FGF12: variants seen among roughly 807,000 people sequenced by gnomAD.
FGF12 encodes the protein fibroblast growth factor 12.
FGF12 carries 14 observed loss-of-function variants against 23.6 expected under a neutral mutation model. The observed-to-expected ratio is 0.59, with a 90% CI of 0.39 to 0.93. FGF12 has a LOEUF of 0.93. Among genes scored for constraint, FGF12 ranks in the 40% least tolerant of loss-of-function variants. The pLI, the probability that FGF12 is intolerant of heterozygous loss-of-function variation, is 0.00. For synonymous variants in FGF12, 62 were observed against 77.3 expected, an observed-to-expected ratio of 0.80 and a Z score of 1.04; for missense variants, 175 against 217.8, an observed-to-expected ratio of 0.80 and a Z score of 1.24.
At chr3:192,250,267 A>C (rs543646173) in intron 4 of FGF12, among the ~76,000 whole-genome samples, 13 of 152,302 alleles carry the variant, frequency 8.5e-5, no homozygotes, top group Non-Finnish European at 1.6e-4. Flanking sequence ...TTAGCCAAAG[A>C]AAAACAGTTT....
rs142260654 is a variant in FGF12, at chr3:192,657,540, C to T, written c.13+69641G>A. 6.8e-3 allele frequency among the ~76,000 whole-genome samples: 1,031 copies of T among 152,086 alleles called. 11 individuals carry two copies. The highest frequency in any genetic ancestry group is 0.023 in the African/African-American group (963 of 41,492). On this transcript the variant is annotated intron_variant, in intron 2 of 5. Transcript: ENST00000445105. The stretch of plus-strand genomic sequence containing the variant: ...AGAAGAGCTGAGACTATACAAGCTT[C>T]TGGGTATCAATTTTATCTGCACCAA...
chr3:192,507,200 A>C (rs1056383438), intron 2 of FGF12, among the ~76,000 whole-genome samples: 1 of 151,952 alleles, frequency 6.6e-6, no homozygotes, highest in Non-Finnish European at 1.5e-5. Flanking sequence ...CCATGAACTC[A>C]GTTTTTACAG....
intron 2 of FGF12, among the ~76,000 whole-genome samples, chr3:192,581,189 G>C (rs73203355): frequency 1.3e-5 from 2 of 151,732 alleles, no homozygotes; most frequent in African/African-American, 4.8e-5. Flanking sequence ...CAATGATGTG[G>C]GCCAATAAAC....
At chr3:192,577,580 A>G (rs1400825246) in intron 2 of FGF12, among the ~76,000 whole-genome samples, 7 of 152,256 alleles carry the variant, frequency 4.6e-5, no homozygotes, top group African/African-American at 9.6e-5. Context: ...ACAAAGGAAG[A>G]GGAAACTCTG....
intron 2 of FGF12, among the ~76,000 whole-genome samples, chr3:192,412,878 T>C (rs559957682): frequency 1.3e-5 from 2 of 152,300 alleles, no homozygotes; most frequent in South Asian, 4.1e-4. Context: ...AACAACCAGG[T>C]ATTTAAAGGG....
At chr3:192,269,631 A>G (rs2108626614) in intron 4 of FGF12, among the ~76,000 whole-genome samples, 1 of 152,332 alleles carries the variant, frequency 6.6e-6, no homozygotes, top group African/African-American at 2.4e-5. Context: ...TATTATGACT[A>G]GTTATTTAGT....
At chr3:192,497,634 T>C (rs1466827390) in intron 2 of FGF12, among the ~76,000 whole-genome samples, 3 of 152,212 alleles carry the variant, frequency 2.0e-5, no homozygotes, top group African/African-American at 7.2e-5. Flanking sequence ...TGCCAAGTTT[T>C]TTCCTGCTTC....
chr3:192,296,158 G>A lies in FGF12; in HGVS notation c.228+39203C>T, dbSNP rs148272236. On this transcript the variant is annotated intron_variant, in intron 4 of 5. Transcript: ENST00000445105. ...TGACCTCAACCAATCTACCTGACTC[G>A]GCCTCCCAAAGTGCTGGGATTACAG... 4.6e-3 allele frequency among the ~76,000 whole-genome samples: 653 copies of A among 142,784 alleles called. 3 individuals are homozygous for A. The highest frequency in any genetic ancestry group is 0.016 in the African/African-American group (611 of 38,594). The allele number at this position is 142,784 out of a possible 152,430, so 93.7% of individuals were successfully genotyped here.
At chr3:192,396,116 A>C (rs902478609) in intron 2 of FGF12, among the ~76,000 whole-genome samples, 7 of 152,208 alleles carry the variant, frequency 4.6e-5, no homozygotes, top group Admixed American at 3.3e-4. Flanking sequence ...GATTGTGGCT[A>C]AGTTTTTTAA....
At chr3:192,646,043 A>G (rs1715994836) in intron 2 of FGF12, among the ~76,000 whole-genome samples, 1 of 152,134 alleles carries the variant, frequency 6.6e-6, no homozygotes, top group Admixed American at 6.6e-5. Context: ...AATCACCCCA[A>G]GTGGGAACAG....
intron 4 of FGF12, among the ~76,000 whole-genome samples, chr3:192,277,685 CG>C (rs1178475847): frequency 1.3e-5 from 2 of 152,182 alleles, no homozygotes; most frequent in African/African-American, 4.8e-5. Context: ...ATTCAGAGCA[CG>C]GAAGTCCACC....
intron 2 of FGF12, among the ~76,000 whole-genome samples, chr3:192,388,675 T>A: frequency 6.6e-6 from 1 of 152,134 alleles, no homozygotes; most frequent in East Asian, 1.9e-4. Flanking sequence ...AAAATTAATG[T>A]CATTTTCTTA....
intron 4 of FGF12, among the ~76,000 whole-genome samples, chr3:192,177,836 C>T (rs1327864814): frequency 6.6e-6 from 1 of 152,138 alleles, no homozygotes; most frequent in East Asian, 1.9e-4. Flanking sequence ...GAGAAAGCTC[C>T]CTTGACTACC....
intron 2 of FGF12, among the ~76,000 whole-genome samples, chr3:192,723,723 C>T (rs1447003395): frequency 6.6e-6 from 1 of 151,822 alleles, no homozygotes; most frequent in East Asian, 1.9e-4. Flanking sequence ...AGGGGTATGG[C>T]CTAAGCATCT....
chr3:192,570,146 G>A (rs1054317478), intron 2 of FGF12, among the ~76,000 whole-genome samples: 10 of 152,168 alleles, frequency 6.6e-5, no homozygotes, highest in African/African-American at 2.4e-4. Context: ...CTTGAGCAAG[G>A]AGGAAGACAG....
intron 2 of FGF12, among the ~76,000 whole-genome samples, chr3:192,438,297 C>CATCCAGATGT (rs1231381851): frequency 3.9e-5 from 6 of 152,254 alleles, no homozygotes; most frequent in Admixed American, 1.3e-4. Flanking sequence ...TCTTACCTCT[C>CATCCAGATGT]ATCCAGATGT....
chr3:192,580,671 G>C (rs545821841), intron 2 of FGF12, among the ~76,000 whole-genome samples: 2 of 152,098 alleles, frequency 1.3e-5, no homozygotes, highest in Admixed American at 6.5e-5. Flanking sequence ...GCAGTGGCCC[G>C]ATCTCAGCTC....
intron 5 of FGF12, among the ~76,000 whole-genome samples, chr3:192,146,413 G>A (rs982227086): frequency 1.1e-4 from 16 of 152,034 alleles, no homozygotes; most frequent in Middle Eastern, 3.4e-3. Context: ...TGGGACTATA[G>A]GCACCAGCCA....
intron 2 of FGF12, among the ~76,000 whole-genome samples, chr3:192,486,511 AC>A (rs1577012669): frequency 6.6e-6 from 1 of 152,068 alleles, no homozygotes; most frequent in East Asian, 1.9e-4. Flanking sequence ...AGAAGAGGGA[AC>A]AAAAAATTAA....
Sources: allele counts gnomAD v4.1 joint callset (sites outside exome capture counted in the v4.1 genomes callset), GRCh38; gene constraint gnomAD v4.1.1; transcripts MANE v1.5; gene names NCBI Gene and HGNC (gene_info 2026-07-23, HGNC 2026-07-21).